CYP2C8: variants seen among roughly 807,000 people sequenced by gnomAD.
CYP2C8 encodes cytochrome P450 family 2 subfamily C member 8.
In CYP2C8, 51 loss-of-function variants were observed where a neutral mutation model predicts 41.3. That is an observed-to-expected ratio of 1.24 (90% CI 0.99 to 1.56). The LOEUF is 1.56. CYP2C8 is among the 40% of genes most tolerant of loss of function. CYP2C8 has a pLI of 0.00. For synonymous variants in CYP2C8, 218 were observed against 205.8 expected (o/e 1.06, Z -0.51); for missense variants, 651 against 579.9 (o/e 1.12, Z -1.26).
chr10:95,067,315 C>T lies in CYP2C8; in HGVS notation c.374G>A (p.Arg125His), dbSNP rs775342549. 1.4e-5 allele frequency: 23 copies of T among 1,614,084 alleles called. No individual in the cohort carries two copies. Among genetic ancestry groups the T allele is most frequent in the Middle Eastern group, 1.7e-4 (1 of 6,060 alleles). Residue 125 changes from arginine (R) to histidine (H), a missense_variant, in exon 3 of 9, where the codon CGT becomes CAT. By Grantham distance (29) the Arg-to-His change is conservative. Coordinates refer to ENST00000371270, the MANE Select transcript of CYP2C8 (RefSeq NM_000770.3). ...SNGKRWKEIRRFSLTTLRNFG... is the reference protein window; with the variant it reads ...SNGKRWKEIRHFSLTTLRNFG... ...ATTCCGCAAGGTTGTGAGGGAGAAACGCCGGATCTCCTTCCATCTCTTTCC... is the reference window on the plus strand; with the variant it reads ...ATTCCGCAAGGTTGTGAGGGAGAAATGCCGGATCTCCTTCCATCTCTTTCC...
rs1397904994 is a variant in CYP2C8, at chr10:95,064,959, A to C, written c.483T>G (p.Ala161=). Residue 161 remains alanine, a splice_region_variant and synonymous_variant, in exon 4 of 9, where the codon GCT becomes GCG. Transcript: ENST00000371270. ...CLVEELRKTK[A]SPCDPTFILG... is the part of the protein sequence containing the mutation. ...GGATGAAAGTGGGATCACAGGGTGA[A>C]GCTAAAGATTTAAAAATTTTTAAAA... 1.4e-6 allele frequency: 2 copies of C among 1,477,566 alleles called. No individual in the cohort carries two copies. The highest frequency in any genetic ancestry group is 2.8e-5 in the African/African-American group (2 of 70,386). 91.5% of individuals were successfully genotyped at this position (1,477,566 alleles called of 1,614,324 possible).
intron 4 of CYP2C8, among the ~76,000 whole-genome samples, chr10:95,064,242 G>A (rs1040364034): frequency 1.3e-5 from 2 of 152,174 alleles, no homozygotes. Context: ...TTCTACAGAG[G>A]CAGGCAGGCC....
In CYP2C8 at chr10:95,042,766, A is replaced by C. The variant is rs538552836; in HGVS notation, c.1149+124T>G. ...CCCCAAACAAAATAGCAGAAAGTCC[A>C]TCAAGCTGCCACATGTATGAGTTTT... is the stretch of plus-strand genomic sequence containing the variant. On this transcript the variant is annotated intron_variant, in intron 7 of 8. Transcript: ENST00000371270. The C allele has an allele frequency of 2.6e-4, 215 of 834,698 alleles. 3 individuals are homozygous for C. The highest frequency in any genetic ancestry group is 2.2e-3 in the South Asian group (160 of 73,144). The allele number at this position is 834,698 out of a possible 1,614,324, so 51.7% of individuals were successfully genotyped here.
intron 4 of CYP2C8, among the ~76,000 whole-genome samples, chr10:95,062,227 G>C (rs1367082905): frequency 1.3e-5 from 2 of 152,154 alleles, no homozygotes; most frequent in African/African-American, 4.8e-5. Context: ...TCTGTCTAAT[G>C]TTGACAGTGG....
In CYP2C8 at chr10:95,037,239, C is replaced by G. The variant is rs772732311; in HGVS notation, c.1362G>C (p.Gln454His). Residue 454 changes from glutamine (Q) to histidine (H), a missense_variant, in exon 9 of 9, where the codon CAG becomes CAC. Physicochemically the swap from Gln to His is conservative, Grantham distance 24. Coordinates refer to ENST00000371270, the MANE Select transcript of CYP2C8 (RefSeq NM_000770.3). ...CATCAACAGATTTCAGGTTAAAGTT[C>G]TGTAAAATTGTGGTTAGAAATAAAA... is the stretch of plus-strand genomic sequence containing the variant. ...ELFLFLTTILQNFNLKSVDDL... is the reference protein window; with the variant it reads ...ELFLFLTTILHNFNLKSVDDL... 1.7e-5 allele frequency: 28 copies of G among 1,613,712 alleles called. No homozygotes were observed. The highest frequency in any genetic ancestry group is 2.7e-5 in the African/African-American group (2 of 74,898).
rs925138167 is a variant in CYP2C8, at chr10:95,041,775, G to A, written c.1149+1115C>T. Among the ~76,000 whole-genome samples the A allele has an allele frequency of 4.0e-3, 483 of 120,040 alleles. 2 individuals carry two copies. Among genetic ancestry groups the A allele is most frequent in the African/African-American group, 0.015 (466 of 30,826 alleles). 78.8% of individuals were successfully genotyped at this position (120,040 alleles called of 152,430 possible). A position where few individuals can be genotyped will look rare whatever the true frequency, so the allele number is the denominator to read the frequency against. Reference sequence around the variant, plus strand: ...CGCAGTCCAGCCTGGGCGACAGAGCGAGACTCCGTCTCAAAAAAAAAAAAA... The same window carrying A: ...CGCAGTCCAGCCTGGGCGACAGAGCAAGACTCCGTCTCAAAAAAAAAAAAA... On this transcript the variant is annotated intron_variant, in intron 7 of 8. Coordinates refer to ENST00000371270, the MANE Select transcript of CYP2C8 (RefSeq NM_000770.3).
At position 95,067,335 on chromosome 10, in the gene CYP2C8, C is replaced by T; in HGVS notation, c.354G>A (p.Lys118=). ...KGLGIISSNG[K]RWKEIRRFSL... ...AGAAACGCCGGATCTCCTTCCATCT[C>T]TTTCCATTGCTGGAAATGATTCCTA... Residue 118 remains lysine, a synonymous_variant, in exon 3 of 9, where the codon AAG becomes AAA. Coordinates refer to ENST00000371270, the MANE Select transcript of CYP2C8 (RefSeq NM_000770.3). 6.2e-7 allele frequency: 1 copy of T among 1,612,752 alleles called. No homozygotes were observed. The highest frequency in any genetic ancestry group is 2.2e-5 in the East Asian group (1 of 44,792).
At chr10:95,039,449 A>G (rs111251777) in intron 7 of CYP2C8, 333 of 206,840 alleles carry the variant, frequency 1.6e-3, no homozygotes, top group African/African-American at 7.5e-3. Context: ...GTAAATAAAC[A>G]TGTAATCTAT....
At chr10:95,044,871 T>G (rs936242408) in intron 6 of CYP2C8, among the ~76,000 whole-genome samples, 1 of 152,198 alleles carries the variant, frequency 6.6e-6, no homozygotes, top group African/African-American at 2.4e-5. Flanking sequence ...ACAGATTAGC[T>G]TCTCCTCTTG....
At chr10:95,067,713 G>A (rs770127893) in intron 1 of CYP2C8, 22 bp from the exon 2 acceptor site, 24 of 1,613,192 alleles carry the variant, frequency 1.5e-5, no homozygotes, top group Non-Finnish European at 2.0e-5. Flanking sequence ...AATGCAAATA[G>A]CAGCAAAATA....
intron 5 of CYP2C8, among the ~76,000 whole-genome samples, chr10:95,051,738 TAAG>T (rs1469117588): frequency 4.6e-5 from 7 of 151,990 alleles, no homozygotes; most frequent in African/African-American, 1.2e-4. Flanking sequence ...ATGAAGAAAT[TAAG>T]AAGAAAATTG....
In CYP2C8 at chr10:95,036,986, A is replaced by C; in HGVS notation, c.*142T>G. 1 of 778,408 alleles carries C rather than the reference A, an allele frequency of 1.3e-6. No individual in the cohort carries two copies. The allele number at this position is 778,408 out of a possible 1,614,324, so 48.2% of individuals were successfully genotyped here. A position where few individuals can be genotyped will look rare whatever the true frequency, so the allele number is the denominator to read the frequency against. On this transcript the variant is annotated 3_prime_UTR_variant, in exon 9 of 9. Transcript: ENST00000371270. ...TGCAGTGACCTGAACAACTCTCCTTAATGGAGTTTGGATGCTTATGGGATA... is the reference window on the plus strand; with the variant it reads ...TGCAGTGACCTGAACAACTCTCCTTCATGGAGTTTGGATGCTTATGGGATA...
At chr10:95,058,313 T>G in intron 5 of CYP2C8, 22 bp downstream of exon 5, 3 of 1,612,078 alleles carry the variant, frequency 1.9e-6, no homozygotes, top group Non-Finnish European at 2.5e-6. Flanking sequence ...ATCAAAATAC[T>G]GATCTGTTGC....
At position 95,037,079 on chromosome 10, in the gene CYP2C8, A is replaced by G; in HGVS notation, c.*49T>C. On this transcript the variant is annotated 3_prime_UTR_variant, in exon 9 of 9. Coordinates refer to ENST00000371270, the MANE Select transcript of CYP2C8 (RefSeq NM_000770.3). ...AATAGTGGGAATGTCCTTGATAAAA[A>G]AAGAGTTGCAGGTGATAGCAGATCG... 2 of 1,542,280 alleles carry G rather than the reference A, an allele frequency of 1.3e-6. No homozygotes were observed. Among genetic ancestry groups the G allele is most frequent in the Non-Finnish European group, 1.8e-6 (2 of 1,115,330 alleles).
chr10:95,054,175 T>C (rs7913269), intron 5 of CYP2C8, among the ~76,000 whole-genome samples: 39,836 of 151,794 alleles, frequency 0.26, 5,440 homozygotes, highest in Non-Finnish European at 0.29. Context: ...TTGTATATTA[T>C]GGATTTTTTT....
intron 4 of CYP2C8, among the ~76,000 whole-genome samples, chr10:95,062,721 G>C (rs1589446607): frequency 6.6e-6 from 1 of 152,302 alleles, no homozygotes; most frequent in East Asian, 1.9e-4. Context: ...AGTTGATGCA[G>C]TTTCTTCCGA....
rs754717779 is a variant in CYP2C8 at position 95,037,216 on chromosome 10, T to C, written c.1385A>G (p.Asp462Gly). The C allele has an allele frequency of 6.2e-7, 1 of 1,613,898 alleles. No homozygotes were observed. ...ILQNFNLKSVDDLKNLNTTAV... is the reference protein window; with the variant it reads ...ILQNFNLKSVGDLKNLNTTAV... ...AGTAGTATTGAGGTTCTTTAAATCA[T>C]CAACAGATTTCAGGTTAAAGTTCTG... The change falls in exon 9 of 9, where the codon GAT (aspartate) becomes GGT (glycine). Residue 462 changes from aspartate to glycine, a missense_variant. Transcript: ENST00000371270.
At chr10:95,069,036 C>T (rs1249077450) in intron 1 of CYP2C8, among the ~76,000 whole-genome samples, 199 bp downstream of exon 1, 1 of 150,226 alleles carries the variant, frequency 6.7e-6, no homozygotes, top group Non-Finnish European at 1.5e-5. Flanking sequence ...GCACTCCAGC[C>T]TGGGCAATAG....
chr10:95,062,082 A>G (rs1414040422), intron 4 of CYP2C8, among the ~76,000 whole-genome samples: 1 of 152,130 alleles, frequency 6.6e-6, no homozygotes, highest in African/African-American at 2.4e-5. Context: ...TTTTGGAATA[A>G]GTGTGGTGTG....
Sources: allele counts gnomAD v4.1 joint callset (sites outside exome capture counted in the v4.1 genomes callset), GRCh38; gene constraint gnomAD v4.1.1; transcripts MANE v1.5; gene names NCBI Gene and HGNC (gene_info 2026-07-23, HGNC 2026-07-21).